The following UPP1 variants were observed in gnomAD, a reference collection of about 807,000 sequenced individuals.
UPP1 encodes uridine phosphorylase 1, also known as UPase 1.
UPP1 carries 25 observed loss-of-function variants against 29.6 expected under a neutral mutation model. The observed-to-expected ratio is 0.85, with a 90% CI of 0.62 to 1.18. The LOEUF is 1.18. Ranked by LOEUF, UPP1 falls within the 50% of genes most tolerant of loss-of-function variation. The probability of loss-of-function intolerance (pLI) is 0.00; values close to 1 mark genes in which losing one functional copy is unlikely to be tolerated. For synonymous variants in UPP1, 165 were observed against 159.8 expected (o/e 1.03, Z -0.25); for missense variants, 368 against 410.4 (o/e 0.90, Z 0.89).
chr7:48,093,760 C>T (rs1791975083), intron 2 of UPP1, among the ~76,000 whole-genome samples: 1 of 152,152 alleles, frequency 6.6e-6, no homozygotes. Flanking sequence ...AGTCCCTCTC[C>T]CTCCTATGGT....
intron 2 of UPP1, among the ~76,000 whole-genome samples, 182 bp from the exon 3 acceptor site, chr7:48,094,581 A>G (rs533708642): frequency 2.6e-5 from 4 of 152,322 alleles, no homozygotes; most frequent in Admixed American, 6.5e-5. Context: ...TAGCAATGCT[A>G]TAAACACACA....
At chr7:48,097,548 TA>T (rs1215747038) in intron 3 of UPP1, among the ~76,000 whole-genome samples, 1 of 152,236 alleles carries the variant, frequency 6.6e-6, no homozygotes, top group East Asian at 1.9e-4. Flanking sequence ...TTTCATGTTT[TA>T]AAATAATTGC....
At chr7:48,107,154 G>A (rs554800295) in intron 7 of UPP1, 72 bp downstream of exon 7, 5 of 1,556,146 alleles carry the variant, frequency 3.2e-6, no homozygotes, top group East Asian at 2.3e-5. Flanking sequence ...CTGCCTTCTC[G>A]CTGTGGACTG....
Position 48,107,416 on chromosome 7 carries a change from G to A in UPP1, c.702G>A (p.Ala234=), listed in dbSNP as rs149249899. 61 of 1,614,092 alleles carry A rather than the reference G, an allele frequency of 3.8e-5. 1 individual carries two copies. Among genetic ancestry groups the A allele is most frequent in the East Asian group, 3.1e-4 (14 of 44,890 alleles). Residue 234 remains alanine, a synonymous_variant, in exon 8 of 9, where the codon GCG becomes GCA. Coordinates refer to ENST00000395564, the MANE Select transcript of UPP1 (RefSeq NM_003364.4). The part of the protein sequence containing the change: ...LCSYTEKDKQ[A]YLEAAYAAGV... ...CCTACACGGAGAAGGACAAGCAGGC[G>A]TATCTGGAGGCAGCCTATGCAGCCG...
At chr7:48,093,365 C>T (rs1168908102) in intron 2 of UPP1, among the ~76,000 whole-genome samples, 3 of 152,206 alleles carry the variant, frequency 2.0e-5, no homozygotes, top group Non-Finnish European at 4.4e-5. Context: ...GTGGTGGAAA[C>T]AACTGGCTTG....
rs536002558 is a variant in UPP1, at chr7:48,108,309, G to T, written c.885G>T (p.Pro295=). ...TGCTCAGCGAGTACCAGCAGAGGCC[G>T]CAGCGGCTGGTGAGCTACTTCATCA... ...RNVLSEYQQR[P]QRLVSYFIKK... is the part of the protein sequence containing the mutation. The change falls in exon 9 of 9, where the codon CCG becomes CCT. Residue 295 remains proline (P), a synonymous_variant. Transcript: ENST00000395564. The T allele has an allele frequency of 1.2e-6, 2 of 1,614,074 alleles. No individual in the cohort carries two copies. The highest frequency in any genetic ancestry group is 1.1e-5 in the South Asian group (1 of 91,064).
chr7:48,106,896 A>G lies in UPP1; in HGVS notation c.460A>G (p.Ile154Val). ...GIGLEPGTVV[I>V]TEQAVDTCFK... ...AGGTCTGGAGCCCGGCACTGTGGTC[A>G]TAACAGAGCAGGCAGTGGATACCTG... is the stretch of plus-strand genomic sequence containing the variant. The change falls in exon 7 of 9, where the codon ATA (isoleucine) becomes GTA (valine). Residue 154 changes from isoleucine to valine, a missense_variant. Coordinates refer to ENST00000395564, the MANE Select transcript of UPP1 (RefSeq NM_003364.4). The G allele has an allele frequency of 6.2e-7, 1 of 1,613,834 alleles. No individual in the cohort carries two copies. The highest frequency in any genetic ancestry group is 8.5e-7 in the Non-Finnish European group (1 of 1,179,966).
At position 48,107,379 on chromosome 7, in the gene UPP1, G is replaced by A. The variant is rs1792814777; in HGVS notation, c.665G>A (p.Gly222Glu). 2 of 1,613,436 alleles carry A rather than the reference G, an allele frequency of 1.2e-6. No individual in the cohort carries two copies. Among genetic ancestry groups the A allele is most frequent in the Non-Finnish European group, 8.5e-7 (1 of 1,179,556 alleles). ...GCCTCAGGGCAAGGCCGTCTGGATG[G>A]GGCTCTCTGCTCCTACACGGAGAAG... ...DFYEGQGRLD[G>E]ALCSYTEKDK... The change falls in exon 8 of 9, where the codon GGG becomes GAG. Residue 222 changes from glycine (G) to glutamate (E), a missense_variant. Gly to Glu is a moderately conservative substitution (Grantham distance 98). Coordinates refer to ENST00000395564, the MANE Select transcript of UPP1 (RefSeq NM_003364.4).
chr7:48,091,381 TC>T (rs1247503596), intron 2 of UPP1, among the ~76,000 whole-genome samples: 16 of 150,856 alleles, frequency 1.1e-4, no homozygotes, highest in African/African-American at 3.6e-4. Flanking sequence ...GGGAGCCAAA[TC>T]CTAAGCCAGG....
At chr7:48,096,384 A>G (rs1412468962) in intron 3 of UPP1, among the ~76,000 whole-genome samples, 8 of 152,150 alleles carry the variant, frequency 5.3e-5, no homozygotes, top group Non-Finnish European at 1.2e-4. Context: ...TGTGCTAGCT[A>G]TTAATAACTT....
At chr7:48,094,849 G>C in intron 3 of UPP1, 22 bp downstream of exon 3, 2 of 1,613,692 alleles carry the variant, frequency 1.2e-6, no homozygotes, top group South Asian at 1.1e-5. Flanking sequence ...TTTCATTCCA[G>C]GTTGGGTTGG....
intron 2 of UPP1, among the ~76,000 whole-genome samples, chr7:48,091,480 G>C (rs1791833216): frequency 6.6e-6 from 1 of 152,136 alleles, no homozygotes; most frequent in African/African-American, 2.4e-5. Flanking sequence ...CGAAGAGCAT[G>C]GCTTTCTAGA....
rs773220996 is a variant in UPP1 at position 48,108,248 on chromosome 7, G to A, written c.824G>A (p.Arg275His). The A allele has an allele frequency of 2.5e-5, 40 of 1,613,608 alleles. No homozygotes were observed. Among genetic ancestry groups the A allele is most frequent in the Non-Finnish European group, 3.0e-5 (35 of 1,180,004 alleles). ...AAVVCVTLLN[R>H]LEGDQISSPR... ...GTGGTGTGTGTCACCCTCCTGAACC[G>A]CCTGGAAGGGGACCAGATCAGCAGC... The change falls in exon 9 of 9, where the codon CGC (arginine) becomes CAC (histidine). Residue 275 changes from arginine to histidine, a missense_variant. Coordinates refer to ENST00000395564, the MANE Select transcript of UPP1 (RefSeq NM_003364.4).
At chr7:48,091,101 C>T (rs948598506) in intron 2 of UPP1, among the ~76,000 whole-genome samples, 6 of 152,070 alleles carry the variant, frequency 3.9e-5, no homozygotes, top group Non-Finnish European at 8.8e-5. Context: ...TTTCCTCTTC[C>T]CTAAAGATAA....
chr7:48,098,987 G>A (rs533429612), intron 3 of UPP1, among the ~76,000 whole-genome samples: 16 of 152,282 alleles, frequency 1.1e-4, no homozygotes, highest in East Asian at 5.8e-4. Flanking sequence ...ACATGTCTAC[G>A]GTGGACTTGA....
chr7:48,092,851 C>T (rs1042940489), intron 2 of UPP1, among the ~76,000 whole-genome samples: 42 of 151,912 alleles, frequency 2.8e-4, no homozygotes, highest in Admixed American at 3.3e-4. Flanking sequence ...TCCAGGCATG[C>T]GCCACCACAC....
chr7:48,108,228 G>A lies in UPP1; in HGVS notation c.804G>A (p.Val268=), dbSNP rs776604568. 6.2e-7 allele frequency: 1 copy of A among 1,613,062 alleles called. No homozygotes were observed. The highest frequency in any genetic ancestry group is 8.5e-7 in the Non-Finnish European group (1 of 1,179,688). The change falls in exon 9 of 9, where the codon GTG becomes GTA. Residue 268 remains valine, a synonymous_variant. Transcript: ENST00000395564. ...CTTTGTCCTTTGCAGCGGCCGTGGT[G>A]TGTGTCACCCTCCTGAACCGCCTGG... ...CSACGLQAAV[V]CVTLLNRLEG...
At chr7:48,096,543 C>T (rs1286357496) in intron 3 of UPP1, among the ~76,000 whole-genome samples, 1 of 152,028 alleles carries the variant, frequency 6.6e-6, no homozygotes. Context: ...CCCAGTACCT[C>T]AGGCCCCTGT....
intron 3 of UPP1, among the ~76,000 whole-genome samples, chr7:48,098,665 A>G (rs1051892526): frequency 1.3e-5 from 2 of 152,050 alleles, no homozygotes; most frequent in Non-Finnish European, 2.9e-5. Context: ...TTCTTTTCTC[A>G]TGAGTTAGAA....
Sources: gnomAD v4.1 joint callset for allele counts (sites outside exome capture counted in the v4.1 genomes callset) on GRCh38, gnomAD v4.1.1 for gene constraint, MANE v1.5 for transcripts, NCBI Gene and HGNC (gene_info 2026-07-23, HGNC 2026-07-21) for gene names.